Variants in SRL observed in about 807,000 individuals in gnomAD.
SRL encodes the protein sarcalumenin.
SRL carries 23 observed loss-of-function variants against 39.5 expected under a neutral mutation model. The observed-to-expected ratio is 0.58, with a 90% CI of 0.42 to 0.82. The LOEUF (loss-of-function observed/expected upper bound fraction) is 0.82. SRL is among the 40% of genes least tolerant of loss of function. SRL has a pLI of 0.00. For missense variants in SRL, 592 were observed against 607.8 expected (o/e 0.97, Z 0.27); for synonymous variants, 272 against 237.4 (o/e 1.15, Z -1.34).
chr16:4,224,932 C>T (rs976219575), intron 1 of SRL, among the ~76,000 whole-genome samples: 3 of 152,160 alleles, frequency 2.0e-5, no homozygotes, highest in Non-Finnish European at 4.4e-5. Flanking sequence ...GGAGCGCTTC[C>T]ACCTGCTACA....
intron 1 of SRL, chr16:4,239,510 ATGC>A (rs1189198832): frequency 6.6e-6 from 1 of 152,282 alleles, no homozygotes; most frequent in Non-Finnish European, 1.5e-5. Flanking sequence ...AAGAAATGAA[ATGC>A]TTTCTCAGCA....
chr16:4,230,597 C>T (rs1272346672), intron 1 of SRL, among the ~76,000 whole-genome samples: 1 of 151,718 alleles, frequency 6.6e-6, no homozygotes, highest in East Asian at 1.9e-4. Context: ...CCATGTTGGC[C>T]AGGCTGGTCT....
chr16:4,240,598 G>A lies in SRL; in HGVS notation c.61+1409C>T, dbSNP rs1354631483. Among the ~76,000 whole-genome samples, 3 of 152,056 alleles carry A rather than the reference G, an allele frequency of 2.0e-5. No homozygotes were observed. In the East Asian group the frequency reaches 5.8e-4, roughly 29 times the overall value. ...GACCTTTGCACAAGCACCTGCCTGC[G>A]TCCTTTCCCCACGACAAGAGCCCCC... On this transcript the variant is annotated intron_variant, in intron 1 of 5. Transcript: ENST00000399609.
intron 5 of SRL, among the ~76,000 whole-genome samples, chr16:4,193,710 T>C (rs552065905): frequency 2.0e-5 from 3 of 152,252 alleles, no homozygotes; most frequent in African/African-American, 7.2e-5. Flanking sequence ...TGGTGCAGAA[T>C]ACATTTTAAT....
At chr16:4,239,040 G>A (rs1388916661) in intron 1 of SRL, among the ~76,000 whole-genome samples, 1 of 152,158 alleles carries the variant, frequency 6.6e-6, no homozygotes, top group Non-Finnish European at 1.5e-5. Flanking sequence ...TGAGGAGTCA[G>A]GGAACCAGCT....
intron 3 of SRL, 56 bp from the exon 4 acceptor site, chr16:4,197,971 G>T (rs1355918715): frequency 4.7e-5 from 53 of 1,129,968 alleles, no homozygotes; most frequent in Non-Finnish European, 5.8e-5. Flanking sequence ...CACACAAGGG[G>T]TATGGCACCG....
chr16:4,190,484 C>A lies in SRL; in HGVS notation c.*1669G>T, dbSNP rs1477642276. The A allele has an allele frequency of 4.0e-5, 16 of 398,700 alleles. No individual in the cohort carries two copies. In the Admixed American group the frequency reaches 6.6e-4, roughly 16 times the overall value. 24.7% of individuals were successfully genotyped at this position (398,700 alleles called of 1,614,324 possible). On this transcript the variant is annotated 3_prime_UTR_variant, in exon 6 of 6. Transcript: ENST00000399609. The stretch of plus-strand genomic sequence containing the variant: ...GTCTCCTGGGCATGCACAGACTGTG[C>A]ACCATGCACATTTCACCATCCAAAG...
intron 1 of SRL, among the ~76,000 whole-genome samples, chr16:4,216,661 T>G (rs189871969): frequency 6.6e-6 from 1 of 152,180 alleles, no homozygotes; most frequent in African/African-American, 2.4e-5. Flanking sequence ...GCAGGGATAC[T>G]CTATAGAGCA....
chr16:4,214,901 G>A (rs1022062517), intron 1 of SRL, among the ~76,000 whole-genome samples: 4 of 152,008 alleles, frequency 2.6e-5, no homozygotes, highest in Non-Finnish European at 5.9e-5. Flanking sequence ...CCGAGTAGCT[G>A]GGATTACAGG....
In SRL at chr16:4,192,281, C is replaced by T. The variant is rs761419999; in HGVS notation, c.1294G>A (p.Glu432Lys). The change falls in exon 6 of 6, where the codon GAG (glutamate) becomes AAG (lysine). Residue 432 changes from glutamate (E) to lysine (K), a missense_variant. Glu to Lys is a moderately conservative substitution (Grantham distance 56). Transcript: ENST00000399609. The surrounding 1 kb of genome is among the most constrained non-coding windows in gnomAD (Gnocchi z 4.0). ...YMGGCFLEKI[E>K]RAITQELPGL... The stretch of plus-strand genomic sequence containing the variant: ...GGAAGCTCCTGAGTGATGGCCCGCT[C>T]AATCTTCTCCAGAAAGCAACCTCCC... 6.2e-7 allele frequency: 1 copy of T among 1,614,146 alleles called. No homozygotes were observed. The highest frequency in any genetic ancestry group is 1.1e-5 in the South Asian group (1 of 91,076).
intron 1 of SRL, among the ~76,000 whole-genome samples, chr16:4,210,693 G>A (rs1056816882): frequency 6.6e-6 from 1 of 152,142 alleles, no homozygotes; most frequent in African/African-American, 2.4e-5. Flanking sequence ...ATGTTGGCTA[G>A]GCTGGTCTTG....
At position 4,195,691 on chromosome 16, in the gene SRL, A is replaced by C; in HGVS notation, c.472T>G (p.Ser158Ala). 6.2e-7 allele frequency: 1 copy of C among 1,614,138 alleles called. No homozygotes were observed. Among genetic ancestry groups the C allele is most frequent in the Non-Finnish European group, 8.5e-7 (1 of 1,180,008 alleles). ...GIVMAADSAR[S>A]FSPLEKFGQN... ...CCAAACTTCTCAAGGGGTGAGAAGGAACGGGCGCTGTCAGCAGCCATGACG... is the reference window on the plus strand; with the variant it reads ...CCAAACTTCTCAAGGGGTGAGAAGGCACGGGCGCTGTCAGCAGCCATGACG... The change falls in exon 5 of 6, where the codon TCC becomes GCC. Residue 158 changes from serine to alanine, a missense_variant. Ser to Ala is a moderately conservative substitution (Grantham distance 99). Coordinates refer to ENST00000399609, the MANE Select transcript of SRL (RefSeq NM_001098814.2).
At chr16:4,230,102 C>A (rs1464586774) in intron 1 of SRL, among the ~76,000 whole-genome samples, 2 of 152,104 alleles carry the variant, frequency 1.3e-5, no homozygotes, top group Non-Finnish European at 2.9e-5. Flanking sequence ...ATTCTCCCCA[C>A]CCGGGCAGCC....
intron 1 of SRL, among the ~76,000 whole-genome samples, chr16:4,231,026 C>G (rs1382305771): frequency 6.6e-6 from 1 of 152,102 alleles, no homozygotes; most frequent in Admixed American, 6.6e-5. Context: ...GAATAAATTT[C>G]TGTGGTTTTG....
chr16:4,204,738 C>A, intron 1 of SRL, 104 bp from the exon 2 acceptor site: 1 of 906,528 alleles, frequency 1.1e-6, no homozygotes, highest in Non-Finnish European at 1.8e-6. Flanking sequence ...AGGGGCTCAA[C>A]AGGGTCTTGC....
intron 1 of SRL, among the ~76,000 whole-genome samples, chr16:4,223,231 CAA>C (rs34513855): frequency 0.11 from 10,657 of 96,054 alleles, 743 homozygotes; most frequent in African/African-American, 0.26. Flanking sequence ...AACTCTGTCT[CAA>C]AAAAAAAAAA....
At chr16:4,214,023 G>A (rs1451137898) in intron 1 of SRL, among the ~76,000 whole-genome samples, 2 of 152,126 alleles carry the variant, frequency 1.3e-5, no homozygotes, top group Non-Finnish European at 2.9e-5. Flanking sequence ...CAGCTTCTGG[G>A]GCTGGGTCAA....
rs75106844 is a variant in SRL, at chr16:4,238,209, G to C, written c.61+3798C>G. Among the ~76,000 whole-genome samples the C allele has an allele frequency of 1.0e-2, 1,516 of 152,282 alleles. 16 individuals carry two copies. Among genetic ancestry groups the C allele is most frequent in the African/African-American group, 0.034 (1,412 of 41,558 alleles). On this transcript the variant is annotated intron_variant, in intron 1 of 5. Transcript: ENST00000399609. ...TGGAGCAGGGCATGTGCCCAGGAGA[G>C]AGAGCTAAGTAAGCCCAGGCGCTCC...
Position 4,231,534 on chromosome 16 carries a change from C to T in SRL, c.61+10473G>A, listed in dbSNP as rs181627866. On this transcript the variant is annotated intron_variant, in intron 1 of 5. Coordinates refer to ENST00000399609, the MANE Select transcript of SRL (RefSeq NM_001098814.2). ...TGCTCTGAAACCCAGCTCGAGCCCCCCTTCCAGGAAGCATGCCCCGACAAC... is the reference window on the plus strand; with the variant it reads ...TGCTCTGAAACCCAGCTCGAGCCCCTCTTCCAGGAAGCATGCCCCGACAAC... Among the ~76,000 whole-genome samples, 28 of 152,272 alleles carry T rather than the reference C, an allele frequency of 1.8e-4. No individual in the cohort carries two copies. The East Asian group carries it at 4.2e-3, about 23-fold the overall frequency.
Sources: gnomAD v4.1 joint callset for allele counts (sites outside exome capture counted in the v4.1 genomes callset) on GRCh38, gnomAD v4.1.1 for gene constraint, Gnocchi (gnomAD v3.1) non-coding constraint, MANE v1.5 for transcripts, NCBI Gene and HGNC (gene_info 2026-07-23, HGNC 2026-07-21) for gene names.